The following PRDM6 variants were observed in gnomAD, a reference collection of about 807,000 sequenced individuals.
The protein encoded by PRDM6 is putative histone-lysine N-methyltransferase PRDM6.
In PRDM6, 25 loss-of-function variants were observed where a neutral mutation model predicts 60.8. That is an observed-to-expected ratio of 0.41 (90% CI 0.30 to 0.57). The LOEUF is 0.57. Ranked by LOEUF, PRDM6 falls within the 20% of genes least tolerant of loss-of-function variation. PRDM6 has a pLI of 0.27. For synonymous variants in PRDM6, 407 were observed against 357.4 expected, an observed-to-expected ratio of 1.14 and a Z score of -1.57; for missense variants, 839 against 821.3, an observed-to-expected ratio of 1.02 and a Z score of -0.26.
Position 123,090,089 on chromosome 5 carries a change from A to G in PRDM6, c.75A>G (p.Gln25=), listed in dbSNP as rs888666417. Residue 25 remains glutamine (Q), a synonymous_variant, in exon 2 of 8, where the codon CAA becomes CAG. Transcript: ENST00000407847. ...CAGCCTACCTGCAGCACTGGCAGCA[A>G]CTCTTCCCTCACGGAGGCGCAGGCC... ...VDPAYLQHWQ[Q]LFPHGGAGPL... The G allele has an allele frequency of 3.2e-6, 5 of 1,545,614 alleles. No individual in the cohort carries two copies. Among genetic ancestry groups the G allele is most frequent in the Admixed American group, 2.0e-5 (1 of 50,836 alleles).
In PRDM6 at chr5:123,188,531, C is replaced by T. The variant is rs1455872014; in HGVS notation, c.*1330C>T. 1 of 152,158 alleles carries T rather than the reference C, an allele frequency of 6.6e-6. No homozygotes were observed. The highest frequency in any genetic ancestry group is 1.5e-5 in the Non-Finnish European group (1 of 68,038). 9.4% of individuals were successfully genotyped at this position (152,158 alleles called of 1,614,324 possible). A position where few individuals can be genotyped will look rare whatever the true frequency, so the allele number is the denominator to read the frequency against. Reference sequence around the variant, plus strand: ...AGTTTTGGGAAGAGCTGATAGCTCCCAGCAGCATCTCAGCGACTGTCTACC... The same window carrying T: ...AGTTTTGGGAAGAGCTGATAGCTCCTAGCAGCATCTCAGCGACTGTCTACC... On this transcript the variant is annotated 3_prime_UTR_variant, in exon 8 of 8. Coordinates refer to ENST00000407847, the MANE Select transcript of PRDM6 (RefSeq NM_001136239.4).
At chr5:123,115,930 C>A (rs1344031037) in intron 3 of PRDM6, among the ~76,000 whole-genome samples, 1 of 152,098 alleles carries the variant, frequency 6.6e-6, no homozygotes, top group Admixed American at 6.6e-5. Flanking sequence ...TGCCAAAATA[C>A]CTGCAGGAAA....
chr5:123,091,224 C>CT (rs767947134), intron 2 of PRDM6, among the ~76,000 whole-genome samples: 7 of 152,208 alleles, frequency 4.6e-5, no homozygotes, highest in Non-Finnish European at 1.0e-4. Flanking sequence ...CTTAGATCTA[C>CT]TATTCATTTA....
intron 6 of PRDM6, among the ~76,000 whole-genome samples, chr5:123,174,425 C>T (rs576120563): frequency 6.6e-6 from 1 of 152,130 alleles, no homozygotes; most frequent in African/African-American, 2.4e-5. Flanking sequence ...GAAAATCTTG[C>T]TAGAACCAGG....
chr5:123,155,428 G>T (rs2126872369), intron 3 of PRDM6, among the ~76,000 whole-genome samples: 1 of 151,722 alleles, frequency 6.6e-6, no homozygotes, highest in East Asian at 1.9e-4. Context: ...GCCTTCTGCT[G>T]GGTGTCGCCC....
rs555316395 is a variant in PRDM6 at position 123,191,925 on chromosome 5, A to C, written c.*4724A>C. 3.5e-4 allele frequency: 54 copies of C among 152,314 alleles called. No individual in the cohort carries two copies. The highest frequency in any genetic ancestry group is 1.3e-3 in the African/African-American group (53 of 41,570). The allele number at this position is 152,314 out of a possible 1,614,324, so 9.4% of individuals were successfully genotyped here. ...CCTGTAGTCCATGGCTGTGTTTGAC[A>C]TTTAAAATATTTATTTAGTTTCTTC... On this transcript the variant is annotated 3_prime_UTR_variant, in exon 8 of 8. Transcript: ENST00000407847.
intron 6 of PRDM6, among the ~76,000 whole-genome samples, chr5:123,178,082 T>C (rs1766057643): frequency 6.6e-6 from 1 of 152,200 alleles, no homozygotes; most frequent in Admixed American, 6.5e-5. Flanking sequence ...AGCCTCTCTG[T>C]GGTCATTTCT....
At chr5:123,106,440 A>G (rs1298568787) in intron 3 of PRDM6, among the ~76,000 whole-genome samples, 1 of 152,198 alleles carries the variant, frequency 6.6e-6, no homozygotes, top group Admixed American at 6.5e-5. Context: ...AAAATGGCGC[A>G]GCATTAGACA....
At chr5:123,181,789 T>C (rs1188586487) in intron 7 of PRDM6, among the ~76,000 whole-genome samples, 2 of 152,190 alleles carry the variant, frequency 1.3e-5, no homozygotes, top group African/African-American at 4.8e-5. Context: ...TGGCGCACTT[T>C]GTGCTCAGCC....
At chr5:123,142,367 C>A (rs1187041821) in intron 3 of PRDM6, among the ~76,000 whole-genome samples, 1 of 152,052 alleles carries the variant, frequency 6.6e-6, no homozygotes, top group Non-Finnish European at 1.5e-5. Context: ...TTAATACTGC[C>A]AGAGTAAGAA....
At chr5:123,159,164 T>C (rs962023507) in intron 4 of PRDM6, among the ~76,000 whole-genome samples, 1 of 152,200 alleles carries the variant, frequency 6.6e-6, no homozygotes, top group Non-Finnish European at 1.5e-5. Context: ...ATATATGAGG[T>C]TGGGGCACCA....
chr5:123,184,834 C>A (rs998252002), intron 7 of PRDM6, among the ~76,000 whole-genome samples: 2 of 152,020 alleles, frequency 1.3e-5, no homozygotes, highest in African/African-American at 4.8e-5. Context: ...CTTGTCATTC[C>A]CAGACAACAT....
At chr5:123,105,637 C>T (rs1251120653) in intron 3 of PRDM6, among the ~76,000 whole-genome samples, 1 of 152,194 alleles carries the variant, frequency 6.6e-6, no homozygotes, top group African/African-American at 2.4e-5. Flanking sequence ...AAACCATTTG[C>T]TATTCTAAAG....
rs1763809478 is a variant in PRDM6, at chr5:123,090,548, T to C, written c.534T>C (p.Tyr178=). The change falls in exon 2 of 8, where the codon TAT becomes TAC. Residue 178 remains tyrosine (Y), a synonymous_variant. Transcript: ENST00000407847. The part of the protein sequence containing the change: ...CSAEELDYYL[Y]GQQRMEIIPL... ...CAGAGGAGCTGGACTATTACCTGTA[T>C]GGCCAGCAGCGCATGGAGATCATCC... 3.9e-6 allele frequency: 6 copies of C among 1,523,364 alleles called. No individual in the cohort carries two copies. The highest frequency in any genetic ancestry group is 1.2e-5 in the South Asian group (1 of 83,346). The allele number at this position is 1,523,364 out of a possible 1,614,324, so 94.4% of individuals were successfully genotyped here. A position where few individuals can be genotyped will look rare whatever the true frequency, so the allele number is the denominator to read the frequency against.
intron 3 of PRDM6, among the ~76,000 whole-genome samples, chr5:123,100,376 G>A (rs192289640): frequency 2.8e-4 from 43 of 152,310 alleles, no homozygotes; most frequent in Admixed American, 9.2e-4. Flanking sequence ...CCCATTCCAA[G>A]CACTTCCAGT....
At chr5:123,121,806 T>G (rs1490157867) in intron 3 of PRDM6, among the ~76,000 whole-genome samples, 1 of 151,966 alleles carries the variant, frequency 6.6e-6, no homozygotes, top group Non-Finnish European at 1.5e-5. Context: ...TTGAAAAATC[T>G]CTTGCATCTC....
intron 3 of PRDM6, among the ~76,000 whole-genome samples, chr5:123,119,616 A>G (rs1764536205): frequency 6.6e-6 from 1 of 152,148 alleles, no homozygotes; most frequent in African/African-American, 2.4e-5. Context: ...AGGGTCGGGG[A>G]CTATGAGGAA....
intron 3 of PRDM6, among the ~76,000 whole-genome samples, chr5:123,139,788 T>C (rs1016771256): frequency 2.0e-5 from 3 of 152,084 alleles, no homozygotes; most frequent in Non-Finnish European, 4.4e-5. Flanking sequence ...CAGAATTGAA[T>C]TGAAAGATAT....
At chr5:123,113,321 C>T (rs754348379) in intron 3 of PRDM6, among the ~76,000 whole-genome samples, 1 of 152,158 alleles carries the variant, frequency 6.6e-6, no homozygotes, top group African/African-American at 2.4e-5. Flanking sequence ...CCAAGAATGC[C>T]TAGCATACAT....
Sources: gnomAD v4.1 joint callset for allele counts (sites outside exome capture counted in the v4.1 genomes callset) on GRCh38, gnomAD v4.1.1 for gene constraint, MANE v1.5 for transcripts, NCBI Gene and HGNC (gene_info 2026-07-23, HGNC 2026-07-21) for gene names.